FNDC3A: variants seen among roughly 807,000 people sequenced by gnomAD.
FNDC3A encodes the protein fibronectin type-III domain-containing protein 3A.
A neutral mutation model predicts 148.9 loss-of-function variants in FNDC3A; 32 were observed. The ratio of observed to expected loss-of-function variants is 0.21; its 90% CI spans 0.16 to 0.29. The LOEUF (loss-of-function observed/expected upper bound fraction) is 0.29. Ranked by LOEUF, FNDC3A falls within the 10% of genes least tolerant of loss-of-function variation. FNDC3A has a pLI of 1.00. For synonymous variants in FNDC3A, 472 were observed against 473.6 expected (o/e 1.00, Z 0.04); for missense variants, 1,191 against 1,452.8 (o/e 0.82, Z 2.93).
intron 1 of FNDC3A, among the ~76,000 whole-genome samples, chr13:48,993,972 TG>T (rs1951972329): frequency 1.3e-5 from 2 of 152,182 alleles, no homozygotes; most frequent in South Asian, 4.1e-4. Flanking sequence ...TTCACTAGAA[TG>T]ATATTACATT....
intron 3 of FNDC3A, among the ~76,000 whole-genome samples, chr13:49,085,117 G>A (rs1878722977): frequency 6.6e-6 from 1 of 152,054 alleles, no homozygotes; most frequent in Admixed American, 6.5e-5. Context: ...CTGTGCTGTG[G>A]GATCGTGATG....
Position 49,006,235 on chromosome 13 carries a change from T to C in FNDC3A, c.45T>C (p.Ser15=), listed in dbSNP as rs771053229. 1.9e-6 allele frequency: 3 copies of C among 1,610,140 alleles called. No homozygotes were observed. In the African/African-American group the frequency reaches 4.0e-5, roughly 22 times the overall value. ...PPLLDTTQIL[S]SDISLLSAPI... Reference sequence around the variant, plus strand: ...TACTGGATACAACTCAGATCTTAAGTAGTGATATTTCTCTTTTGTCTGCCC... The same window carrying C: ...TACTGGATACAACTCAGATCTTAAGCAGTGATATTTCTCTTTTGTCTGCCC... The change falls in exon 2 of 26, where the codon AGT becomes AGC. Residue 15 remains serine, a synonymous_variant. Transcript: ENST00000492622.
intron 2 of FNDC3A, among the ~76,000 whole-genome samples, chr13:49,059,265 T>G (rs1359257864): frequency 6.6e-6 from 1 of 152,234 alleles, no homozygotes; most frequent in Non-Finnish European, 1.5e-5. Flanking sequence ...TATAGAACTC[T>G]TAGAAGACAA....
At chr13:49,184,062 A>G (rs987482602) in intron 14 of FNDC3A, among the ~76,000 whole-genome samples, 1 of 152,224 alleles carries the variant, frequency 6.6e-6, no homozygotes, top group Non-Finnish European at 1.5e-5. Context: ...ATGACTGGGT[A>G]GTTAAGGAAG....
At chr13:49,026,733 G>C (rs1294545577) in intron 2 of FNDC3A, among the ~76,000 whole-genome samples, 2 of 152,078 alleles carry the variant, frequency 1.3e-5, no homozygotes, top group Admixed American at 6.6e-5. Flanking sequence ...TTGAACTCCT[G>C]GGCTCAAGTG....
At chr13:48,983,669 A>G (rs7997118) in intron 1 of FNDC3A, among the ~76,000 whole-genome samples, 93,409 of 152,084 alleles carry the variant, frequency 0.61, 29,481 homozygotes, top group Non-Finnish European at 0.68. Flanking sequence ...AGTAAATAAT[A>G]TGATTAATAG....
At chr13:49,000,837 A>G (rs1311961457) in intron 1 of FNDC3A, among the ~76,000 whole-genome samples, 2 of 151,996 alleles carry the variant, frequency 1.3e-5, no homozygotes, top group Admixed American at 6.6e-5. Flanking sequence ...GCTATTGTAA[A>G]TGGAATTTTT....
chr13:49,150,838 G>A (rs533418269), intron 8 of FNDC3A, among the ~76,000 whole-genome samples: 13 of 151,576 alleles, frequency 8.6e-5, no homozygotes, highest in East Asian at 1.9e-4. Context: ...CCAGCTACTC[G>A]GGAGGCTGAG....
intron 14 of FNDC3A, among the ~76,000 whole-genome samples, chr13:49,179,437 A>G (rs754499036): frequency 1.2e-4 from 19 of 152,172 alleles, no homozygotes; most frequent in Non-Finnish European, 2.8e-4. Flanking sequence ...TATTTTGTAA[A>G]TACTGTGTAC....
chr13:49,081,479 T>G (rs569073894), intron 3 of FNDC3A, among the ~76,000 whole-genome samples: 1 of 152,244 alleles, frequency 6.6e-6, no homozygotes, highest in Non-Finnish European at 1.5e-5. Context: ...TCAGTCAGAT[T>G]ATATTCAGTA....
rs973523712 is a variant in FNDC3A at position 49,207,574 on chromosome 13, C to T, written c.*179C>T. The T allele has an allele frequency of 4.8e-6, 2 of 417,896 alleles. No homozygotes were observed. The highest frequency in any genetic ancestry group is 8.5e-6 in the Non-Finnish European group (2 of 236,674). The allele number at this position is 417,896 out of a possible 1,614,324, so 25.9% of individuals were successfully genotyped here. On this transcript the variant is annotated 3_prime_UTR_variant, in exon 26 of 26. Coordinates refer to ENST00000492622, the MANE Select transcript of FNDC3A (RefSeq NM_001079673.2). ...TAGAGGCTGGCACTTTATTAGAATG[C>T]AAGCCACAAAAATATCAATTTTGTT... is the stretch of plus-strand genomic sequence containing the variant.
intron 4 of FNDC3A, 43 bp from the exon 5 acceptor site, chr13:49,131,094 T>G (rs1384939565): frequency 1.4e-6 from 2 of 1,461,552 alleles, no homozygotes; most frequent in Non-Finnish European, 1.9e-6. Context: ...AAGAATTGTT[T>G]ATATTCTATG....
intron 11 of FNDC3A, among the ~76,000 whole-genome samples, chr13:49,174,021 G>A (rs1252876117): frequency 6.6e-6 from 1 of 152,080 alleles, no homozygotes; most frequent in African/African-American, 2.4e-5. Context: ...GGAAGTTTGG[G>A]CATGGGTAAG....
intron 3 of FNDC3A, among the ~76,000 whole-genome samples, chr13:49,106,773 C>CAAAAA (rs543962565): frequency 5.5e-3 from 441 of 79,678 alleles, no homozygotes; most frequent in Non-Finnish European, 6.2e-3. Context: ...TGAATGAAAG[C>CAAAAA]AAAAAAAAAA....
chr13:49,094,697 T>C (rs975763060), intron 3 of FNDC3A, among the ~76,000 whole-genome samples: 13 of 151,986 alleles, frequency 8.6e-5, no homozygotes, highest in Non-Finnish European at 1.5e-4. Context: ...AGTGTTGTGA[T>C]TGAAAAAGAA....
intron 2 of FNDC3A, among the ~76,000 whole-genome samples, chr13:49,061,341 TCC>T: frequency 2.9e-4 from 1 of 3,492 alleles, no homozygotes; most frequent in East Asian, 0.011. Flanking sequence ...TCCCTTCCCT[TCC>T]CTTCCCTTCC....
chr13:49,015,660 A>G (rs1016675627), intron 2 of FNDC3A, among the ~76,000 whole-genome samples: 2 of 152,168 alleles, frequency 1.3e-5, no homozygotes, highest in African/African-American at 4.8e-5. Context: ...GTGAGAGAGG[A>G]GGGCATCCCT....
At chr13:49,019,393 G>T (rs1293644354) in intron 2 of FNDC3A, among the ~76,000 whole-genome samples, 1 of 152,212 alleles carries the variant, frequency 6.6e-6, no homozygotes, top group African/African-American at 2.4e-5. Context: ...CCCTTTCTTT[G>T]ACTAGGAAAG....
chr13:48,995,507 T>C (rs2149498), intron 1 of FNDC3A, among the ~76,000 whole-genome samples: 94,103 of 151,864 alleles, frequency 0.62, 29,816 homozygotes, highest in Non-Finnish European at 0.68. Context: ...ATATCAGTCA[T>C]TGAAAATGAT....
Sources: allele counts gnomAD v4.1 joint callset (sites outside exome capture counted in the v4.1 genomes callset), GRCh38; gene constraint gnomAD v4.1.1; transcripts MANE v1.5; gene names NCBI Gene and HGNC (gene_info 2026-07-23, HGNC 2026-07-21).